The following TBC1D19 variants were observed in gnomAD, a reference collection of about 807,000 sequenced individuals.
TBC1D19 encodes TBC1 domain family member 19, also known as TBC1 domain family, member 19.
A neutral mutation model predicts 89.0 loss-of-function variants in TBC1D19; 60 were observed. The observed-to-expected ratio is 0.67, with a 90% CI of 0.55 to 0.84. TBC1D19 has a LOEUF of 0.84. TBC1D19 is among the 40% of genes least tolerant of loss of function. The pLI is 0.00. For missense variants in TBC1D19, 500 were observed against 610.8 expected, an observed-to-expected ratio of 0.82 and a Z score of 1.91; for synonymous variants, 189 against 199.7, an observed-to-expected ratio of 0.95 and a Z score of 0.45.
chr4:26,819,801 C>G, the TBC1D19 span, among the ~76,000 whole-genome samples: 34 of 152,262 alleles, frequency 2.2e-4, no homozygotes, highest in Admixed American at 1.2e-3. Context: ...TAGTCTCAGC[C>G]CTGGTCACCC....
At chr4:26,842,113 T>C in the TBC1D19 span, among the ~76,000 whole-genome samples, 3 of 152,076 alleles carry the variant, frequency 2.0e-5, no homozygotes, top group Non-Finnish European at 4.4e-5. Context: ...CAAATTTTTA[T>C]TTTTTATCAG....
the TBC1D19 span, among the ~76,000 whole-genome samples, chr4:26,789,083 C>A: frequency 6.6e-6 from 1 of 152,154 alleles, no homozygotes; most frequent in Admixed American, 6.6e-5. Context: ...ATGTAAGGAA[C>A]CCACAGTTTG....
chr4:26,849,031 G>T, the TBC1D19 span, among the ~76,000 whole-genome samples: 62,369 of 151,876 alleles, frequency 0.41, 13,756 homozygotes, highest in Middle Eastern at 0.64. Flanking sequence ...AATTAGCTGG[G>T]CCATCATGTT....
At chr4:26,696,635 G>C (rs1245295072) in intron 13 of TBC1D19, among the ~76,000 whole-genome samples, 1 of 152,134 alleles carries the variant, frequency 6.6e-6, no homozygotes, top group African/African-American at 2.4e-5. Context: ...AAACGTAAAA[G>C]AACAGAAATT....
At chr4:26,732,166 C>T (rs1717706604) in intron 15 of TBC1D19, among the ~76,000 whole-genome samples, 1 of 152,196 alleles carries the variant, frequency 6.6e-6, no homozygotes, top group African/African-American at 2.4e-5. Flanking sequence ...CCACCCCTTG[C>T]TTCTACTCTG....
At chr4:26,826,772 G>A in the TBC1D19 span, among the ~76,000 whole-genome samples, 53 of 152,336 alleles carry the variant, frequency 3.5e-4, no homozygotes, top group African/African-American at 1.0e-3. Flanking sequence ...TTACTGCCCC[G>A]GTGGCGGGTG....
At chr4:26,633,784 A>T (rs1306566786) in intron 4 of TBC1D19, among the ~76,000 whole-genome samples, 2 of 152,076 alleles carry the variant, frequency 1.3e-5, no homozygotes, top group African/African-American at 4.8e-5. Context: ...CTTTTTCCTC[A>T]ATGATTTTAA....
At chr4:26,736,992 TC>T (rs761292427) in intron 16 of TBC1D19, among the ~76,000 whole-genome samples, 16 of 152,234 alleles carry the variant, frequency 1.1e-4, no homozygotes, top group Admixed American at 2.0e-4. Flanking sequence ...AAGATTGTTG[TC>T]CCCTTTATTT....
intron 3 of TBC1D19, among the ~76,000 whole-genome samples, chr4:26,619,379 G>T (rs568887922): frequency 1.8e-3 from 272 of 151,984 alleles, no homozygotes; most frequent in African/African-American, 6.2e-3. Context: ...TAATTTTTTT[G>T]TATTTTTAGT....
the TBC1D19 span, among the ~76,000 whole-genome samples, chr4:26,795,307 T>G: frequency 6.6e-6 from 1 of 152,152 alleles, no homozygotes; most frequent in Non-Finnish European, 1.5e-5. Context: ...CCTTTCCTGA[T>G]CACCTTATTT....
chr4:26,818,548 G>A, the TBC1D19 span, among the ~76,000 whole-genome samples: 4 of 152,074 alleles, frequency 2.6e-5, no homozygotes, highest in Non-Finnish European at 5.9e-5. Context: ...GAGCCACCGC[G>A]GCTGGCCTCA....
At chr4:26,711,199 G>A (rs919436016) in intron 13 of TBC1D19, among the ~76,000 whole-genome samples, 2 of 152,028 alleles carry the variant, frequency 1.3e-5, no homozygotes, top group Admixed American at 1.3e-4. Flanking sequence ...ATTAATTTTT[G>A]CATAAGGTGT....
Position 26,672,151 on chromosome 4 carries a change from C to G in TBC1D19, c.667C>G (p.Leu223Val), listed in dbSNP as rs1374947596. The change falls in exon 10 of 21, where the codon CTT (leucine) becomes GTT (valine). Residue 223 changes from leucine (L) to valine (V), a missense_variant and splice_region_variant. Transcript: ENST00000264866. ...TTTAATTTTTTTTTAATTTTTAGAA[C>G]TTTTTGAAAATGAACATGTACGTAT... ...IDDSTQVPPE[L>V]FENEHVRIGQ... 3 of 1,197,842 alleles carry G rather than the reference C, an allele frequency of 2.5e-6. No homozygotes were observed. The highest frequency in any genetic ancestry group is 3.3e-6 in the Non-Finnish European group (3 of 897,680). The allele number at this position is 1,197,842 out of a possible 1,614,324, so 74.2% of individuals were successfully genotyped here.
chr4:26,734,932 G>GTGTGTATATATGTATACACATATGTA (rs1717882644), intron 15 of TBC1D19, among the ~76,000 whole-genome samples: 4 of 62,328 alleles, frequency 6.4e-5, no homozygotes, highest in Non-Finnish European at 1.2e-4. Flanking sequence ...ACACATATAT[G>GTGTGTATATATGTATACACATATGTA]TGTGTATATA....
chr4:26,609,521 A>C (rs1281032439), intron 1 of TBC1D19, among the ~76,000 whole-genome samples: 1 of 152,122 alleles, frequency 6.6e-6, no homozygotes, highest in Non-Finnish European at 1.5e-5. Context: ...AGGAAATATG[A>C]ACAGCCCTTA....
At chr4:26,661,204 G>A (rs1007994933) in intron 8 of TBC1D19, among the ~76,000 whole-genome samples, 2 of 152,078 alleles carry the variant, frequency 1.3e-5, no homozygotes, top group African/African-American at 2.4e-5. Context: ...GACTGCACTC[G>A]GAGGCCTCAG....
intron 4 of TBC1D19, among the ~76,000 whole-genome samples, chr4:26,632,874 G>A (rs1193396704): frequency 6.6e-6 from 1 of 152,018 alleles, no homozygotes; most frequent in Non-Finnish European, 1.5e-5. Flanking sequence ...TCTTCTACGT[G>A]TTCTTCCTCA....
At chr4:26,762,805 C>T in the TBC1D19 span, among the ~76,000 whole-genome samples, 5 of 152,124 alleles carry the variant, frequency 3.3e-5, no homozygotes, top group African/African-American at 7.2e-5. Flanking sequence ...AGGTGTCACA[C>T]AGCTGGCTTT....
At chr4:26,711,693 A>G (rs1716200344) in intron 13 of TBC1D19, among the ~76,000 whole-genome samples, 1 of 152,020 alleles carries the variant, frequency 6.6e-6, no homozygotes, top group South Asian at 2.1e-4. Context: ...ATGAAGTTTA[A>G]TTTTTACTTA....
Sources: allele counts gnomAD v4.1 joint callset (sites outside exome capture counted in the v4.1 genomes callset), GRCh38; gene constraint gnomAD v4.1.1; transcripts MANE v1.5; gene names NCBI Gene and HGNC (gene_info 2026-07-23, HGNC 2026-07-21).